Variants in SYNE1 observed in about 807,000 individuals in gnomAD.
SYNE1 encodes nesprin-1.
A neutral mutation model predicts 1,111.0 loss-of-function variants in SYNE1; 616 were observed. The ratio of observed to expected loss-of-function variants is 0.55; its 90% CI spans 0.52 to 0.59. The LOEUF (loss-of-function observed/expected upper bound fraction) is 0.59, where lower values mean the gene tolerates loss of function less well. Among genes scored for constraint, SYNE1 ranks in the 20% least tolerant of loss-of-function variants. SYNE1 has a pLI of 0.00. For missense variants in SYNE1, 10,006 were observed against 10,417.0 expected (o/e 0.96, Z 1.72); for synonymous variants, 3,855 against 3,825.8 (o/e 1.01, Z -0.28).
chr6:152,310,290 T>G, intron 89 of SYNE1, 106 bp downstream of exon 89: 1 of 1,501,548 alleles, frequency 6.7e-7, no homozygotes, highest in Non-Finnish European at 9.1e-7. Flanking sequence ...TAAAAATAAA[T>G]TAAAAAAAAT....
At chr6:152,147,172 G>C (rs9371241) in intron 137 of SYNE1, 29,563 of 152,134 alleles carry the variant, frequency 0.19, 3,194 homozygotes, top group East Asian at 0.38. Flanking sequence ...TGGACTGAGA[G>C]TTCTGGAGGA....
rs776173378 is a variant in SYNE1 at position 152,416,338 on chromosome 6, A to G, written c.6050+49T>C. The G allele has an allele frequency of 4.4e-6, 7 of 1,608,878 alleles. No individual in the cohort carries two copies. The East Asian group carries it at 1.3e-4, about 31-fold the overall frequency. On this transcript the variant is annotated intron_variant, in intron 41 of 145. Coordinates refer to ENST00000367255, the MANE Select transcript of SYNE1 (RefSeq NM_182961.4). ...GTTTTGCATAAAAGTTAATTCCAGA[A>G]CAAATACAAAAGAAAAGAGACAAGT...
Position 152,284,625 on chromosome 6 carries a change from TTTTTTTTTTTTTA to T in SYNE1, c.18013-466_18013-454del, listed in dbSNP as rs1281458035. Among the ~76,000 whole-genome samples, 563 of 148,148 alleles carry T rather than the reference TTTTTTTTTTTTTA, an allele frequency of 3.8e-3. 7 individuals carry two copies. Among genetic ancestry groups the T allele is most frequent in the African/African-American group, 0.012 (498 of 40,242 alleles). ...ACACCTGGTAATTTTTTTTTTTTTT[TTTTTTTTTTTTTA>T]CTTTTTGTAAAGACAGGATCATGCT... On this transcript the variant is annotated intron_variant, in intron 95 of 145. Coordinates refer to ENST00000367255, the MANE Select transcript of SYNE1 (RefSeq NM_182961.4).
Position 152,215,073 on chromosome 6 carries a change from T to C in SYNE1, c.22192-13A>G. 6.2e-7 allele frequency: 1 copy of C among 1,613,854 alleles called. No individual in the cohort carries two copies. The highest frequency in any genetic ancestry group is 8.5e-7 in the Non-Finnish European group (1 of 1,179,954). On this transcript the variant is annotated splice_polypyrimidine_tract_variant and intron_variant, in intron 121 of 145. Coordinates refer to ENST00000367255, the MANE Select transcript of SYNE1 (RefSeq NM_182961.4). Reference sequence around the variant, plus strand: ...TTAACATCTGTCCCTAGAAGGAAGATTTAAAAGTAGGTTTAGCACCATGGT... The same window carrying C: ...TTAACATCTGTCCCTAGAAGGAAGACTTAAAAGTAGGTTTAGCACCATGGT...
intron 115 of SYNE1, among the ~76,000 whole-genome samples, chr6:152,228,734 C>T (rs1270174742): frequency 6.6e-6 from 1 of 152,104 alleles, no homozygotes; most frequent in Non-Finnish European, 1.5e-5. Context: ...AGGAACTCAA[C>T]AAAAGTTATG....
At chr6:152,591,044 T>A (rs375939429) in intron 3 of SYNE1, among the ~76,000 whole-genome samples, 2 of 152,334 alleles carry the variant, frequency 1.3e-5, no homozygotes, top group South Asian at 2.1e-4. Flanking sequence ...CATTTATTTA[T>A]GTTGTCTCTG....
intron 51 of SYNE1, among the ~76,000 whole-genome samples, chr6:152,394,115 T>C (rs542322520): frequency 6.6e-6 from 1 of 152,332 alleles, no homozygotes; most frequent in South Asian, 2.1e-4. Flanking sequence ...CTGAGAATGA[T>C]GGTTTCCAGC....
intron 13 of SYNE1, among the ~76,000 whole-genome samples, chr6:152,483,660 A>T (rs1474746893): frequency 6.6e-6 from 1 of 152,122 alleles, no homozygotes; most frequent in Non-Finnish European, 1.5e-5. Context: ...TGAGAATCCC[A>T]TTAAAACCTC....
chr6:152,402,059 T>C (rs2097828281), intron 46 of SYNE1, among the ~76,000 whole-genome samples: 1 of 152,148 alleles, frequency 6.6e-6, no homozygotes, highest in African/African-American at 2.4e-5. Flanking sequence ...TTTCTTTCTC[T>C]TCCTTCATTT....
intron 72 of SYNE1, among the ~76,000 whole-genome samples, chr6:152,347,847 ATT>A (rs764560850): frequency 7.9e-5 from 11 of 139,182 alleles, no homozygotes; most frequent in Non-Finnish European, 6.2e-5. Context: ...CACCTGGCTA[ATT>A]TTTTTTTTTT....
intron 78 of SYNE1, 104 bp from the exon 79 acceptor site, chr6:152,326,737 G>A (rs1051219619): frequency 5.2e-5 from 56 of 1,084,488 alleles, no homozygotes; most frequent in South Asian, 9.5e-5. Context: ...TCTCATGGGC[G>A]TATGTGTGTA....
intron 104 of SYNE1, 48 bp downstream of exon 104, chr6:152,254,832 T>C (rs913437518): frequency 1.3e-6 from 2 of 1,532,802 alleles, no homozygotes; most frequent in Non-Finnish European, 1.8e-6. Flanking sequence ...TGACTATTAC[T>C]GAATACCTAG....
chr6:152,595,259 G>A (rs1291232918), intron 3 of SYNE1, among the ~76,000 whole-genome samples: 1 of 152,112 alleles, frequency 6.6e-6, no homozygotes, highest in Non-Finnish European at 1.5e-5. Context: ...ACTCTCTTCT[G>A]AGCCCCAGCC....
At chr6:152,277,223 A>G (rs969978064) in intron 98 of SYNE1, among the ~76,000 whole-genome samples, 4 of 145,116 alleles carry the variant, frequency 2.8e-5, no homozygotes, top group Non-Finnish European at 6.0e-5. Context: ...TTCCTCCCCA[A>G]CAAGAAGATT....
Position 152,352,504 on chromosome 6 carries a change from G to A in SYNE1, c.11254-151C>T, listed in dbSNP as rs2096759369. On this transcript the variant is annotated intron_variant, in intron 69 of 145. Transcript: ENST00000367255. ...TGCAACTTCCGCCTCCTGGGTTCCA[G>A]CGATTCTCCTGCCTCAGCCTCCAAA... The A allele has an allele frequency of 5.1e-6, 4 of 786,886 alleles. No individual in the cohort carries two copies. In the Admixed American group the frequency reaches 1.0e-4, roughly 20 times the overall value. The allele number at this position is 786,886 out of a possible 1,614,324, so 48.7% of individuals were successfully genotyped here. A position where few individuals can be genotyped will look rare whatever the true frequency, so the allele number is the denominator to read the frequency against.
chr6:152,267,915 A>C, intron 100 of SYNE1, 141 bp downstream of exon 100: 1 of 751,846 alleles, frequency 1.3e-6, no homozygotes, highest in Non-Finnish European at 2.3e-6. Context: ...AAATGCAGGT[A>C]CATTTACTAC....
Position 152,350,404 on chromosome 6 carries a change from C to A in SYNE1, c.11734-69G>T, listed in dbSNP as rs1337812914. 6 of 1,607,696 alleles carry A rather than the reference C, an allele frequency of 3.7e-6. No homozygotes were observed. In the African/African-American group the frequency reaches 4.0e-5, roughly 11 times the overall value. On this transcript the variant is annotated intron_variant, in intron 71 of 145. Transcript: ENST00000367255. ...ACCTACTCAAAACTGTTTTGTATTA[C>A]AAAAACCCAGTGCAACTCACAGGGT...
Position 152,526,277 on chromosome 6 carries a change from G to A in SYNE1, c.130-102C>T, listed in dbSNP as rs1466998525. 4 of 1,160,180 alleles carry A rather than the reference G, an allele frequency of 3.4e-6. No homozygotes were observed. The Admixed American group carries it at 5.5e-5, about 16-fold the overall frequency. 71.9% of individuals were successfully genotyped at this position (1,160,180 alleles called of 1,614,324 possible). A position where few individuals can be genotyped will look rare whatever the true frequency, so the allele number is the denominator to read the frequency against. ...TTACTTATGGTGGTGAAATTTGTAG[G>A]AGAGGCTTCTATATACTTTAATTCT... On this transcript the variant is annotated intron_variant, in intron 4 of 145. Transcript: ENST00000367255.
At position 152,230,610 on chromosome 6, in the gene SYNE1, T is replaced by G; in HGVS notation, c.21132A>C (p.Arg7044Ser). ...LKTWFETQEKRLKQQHRIGDQ... is the reference protein window; with the variant it reads ...LKTWFETQEKSLKQQHRIGDQ... ...CTCCAATTCGATGCTGTTGTTTTAGTCTCTTTTCCTGGGTTTCAAACCATG... is the reference window on the plus strand; with the variant it reads ...CTCCAATTCGATGCTGTTGTTTTAGGCTCTTTTCCTGGGTTTCAAACCATG... The change falls in exon 115 of 146, where the codon AGA becomes AGC. Residue 7044 changes from arginine (R) to serine (S), a missense_variant. This residue lies in a region of SYNE1 where 2,182 missense variants were observed against 2,287.8 expected (regional missense o/e 0.95). Transcript: ENST00000367255. 1 of 1,614,130 alleles carries G rather than the reference T, an allele frequency of 6.2e-7. No individual in the cohort carries two copies. Among genetic ancestry groups the G allele is most frequent in the Admixed American group, 1.7e-5 (1 of 60,020 alleles).
Sources: allele counts gnomAD v4.1 joint callset (sites outside exome capture counted in the v4.1 genomes callset), GRCh38; gene constraint gnomAD v4.1.1; regional missense constraint gnomAD v4.1.1; transcripts MANE v1.5; gene names NCBI Gene and HGNC (gene_info 2026-07-23, HGNC 2026-07-21).